HDAC9: variants seen among roughly 807,000 people sequenced by gnomAD.
The protein encoded by HDAC9 is MEF-2 interacting transcription repressor (MITR) protein.
HDAC9 carries 41 observed loss-of-function variants against 139.4 expected under a neutral mutation model. The observed-to-expected ratio is 0.29, with a 90% confidence interval of 0.23 to 0.38. HDAC9 has a LOEUF of 0.38. HDAC9 is among the 10% of genes least tolerant of loss of function. The pLI, the probability that HDAC9 is intolerant of heterozygous loss-of-function variation, is 1.00. For synonymous variants in HDAC9, 517 were observed against 476.2 expected (o/e 1.09, Z -1.12); for missense variants, 1,147 against 1,297.0 (o/e 0.88, Z 1.78).
intron 1 of HDAC9, among the ~76,000 whole-genome samples, chr7:18,342,721 A>G (rs1782108928): frequency 6.6e-6 from 1 of 151,890 alleles, no homozygotes; most frequent in Admixed American, 6.6e-5. Flanking sequence ...CAAACACCCA[A>G]TAAATTACTT....
chr7:18,422,848 A>G (rs1039584168), intron 1 of HDAC9, among the ~76,000 whole-genome samples: 5 of 151,674 alleles, frequency 3.3e-5, no homozygotes, highest in African/African-American at 1.2e-4. Context: ...CTGGTTTCCT[A>G]TCTTAAGTTT....
intron 2 of HDAC9, among the ~76,000 whole-genome samples, chr7:18,272,073 G>C (rs1428701599): frequency 6.6e-6 from 1 of 152,192 alleles, no homozygotes; most frequent in East Asian, 1.9e-4. Context: ...ATTTGGAAAT[G>C]TGAAGTTTTG....
rs377112195 is a variant in HDAC9, at chr7:18,705,183, A to T, written c.1732-22397A>T. On this transcript the variant is annotated intron_variant, in intron 12 of 25. Transcript: ENST00000686413. ...GCATCTATCAACAGGTTAGAGTAGG[A>T]TTTCTCAGCCTAAGCACTAATGACA... is the stretch of plus-strand genomic sequence containing the variant. 1.3e-4 allele frequency among the ~76,000 whole-genome samples: 20 copies of T among 152,262 alleles called. No homozygotes were observed. The South Asian group carries it at 1.7e-3, about 13-fold the overall frequency.
At chr7:18,690,303 A>G (rs1251448043) in intron 12 of HDAC9, among the ~76,000 whole-genome samples, 1 of 152,078 alleles carries the variant, frequency 6.6e-6, no homozygotes, top group Admixed American at 6.6e-5. Flanking sequence ...AAACTAAAAT[A>G]TTTGTAAATT....
intron 2 of HDAC9, among the ~76,000 whole-genome samples, chr7:18,583,758 A>G (rs898200837): frequency 8.5e-5 from 13 of 152,168 alleles, no homozygotes; most frequent in African/African-American, 2.9e-4. Context: ...CCAGCAGCCT[A>G]AAAAATCTTT....
At chr7:18,623,972 C>G (rs1235149055) in intron 6 of HDAC9, among the ~76,000 whole-genome samples, 1 of 152,074 alleles carries the variant, frequency 6.6e-6, no homozygotes, top group African/African-American at 2.4e-5. Flanking sequence ...GATGAGAGGT[C>G]TGGTCTATTT....
At chr7:18,780,096 A>G (rs556488154) in intron 16 of HDAC9, among the ~76,000 whole-genome samples, 45 of 152,128 alleles carry the variant, frequency 3.0e-4, no homozygotes, top group African/African-American at 9.9e-4. Flanking sequence ...TGCATTTCTC[A>G]TAGCACTCAG....
chr7:18,548,293 A>C (rs1359487863), intron 2 of HDAC9, among the ~76,000 whole-genome samples: 1 of 152,152 alleles, frequency 6.6e-6, no homozygotes, highest in Non-Finnish European at 1.5e-5. Context: ...ATCAAAGATC[A>C]CTGATTACAG....
chr7:18,980,951 G>A (rs1219426850), intron 25 of HDAC9, among the ~76,000 whole-genome samples: 1 of 151,932 alleles, frequency 6.6e-6, no homozygotes, highest in African/African-American at 2.4e-5. Context: ...AGCCTCTCGA[G>A]TATCTGGGAC....
chr7:18,485,172 C>T (rs1484558240), intron 1 of HDAC9, among the ~76,000 whole-genome samples: 2 of 152,142 alleles, frequency 1.3e-5, no homozygotes, highest in East Asian at 3.9e-4. Flanking sequence ...ATGACAAACA[C>T]AGGCGTAATT....
intron 12 of HDAC9, chr7:18,668,088 A>ACAT: frequency 1.0e-6 from 1 of 963,084 alleles, no homozygotes. Context: ...CGTGTTGTTT[A>ACAT]CATTTTGCTG....
At chr7:18,587,160 T>C (rs1829706055) in intron 3 of HDAC9, among the ~76,000 whole-genome samples, 1 of 152,138 alleles carries the variant, frequency 6.6e-6, no homozygotes, top group Non-Finnish European at 1.5e-5. Flanking sequence ...ATAAAGTTAA[T>C]ATAAATTGTT....
intron 1 of HDAC9, among the ~76,000 whole-genome samples, chr7:18,462,068 T>C (rs1238274563): frequency 1.3e-5 from 2 of 152,140 alleles, no homozygotes; most frequent in African/African-American, 4.8e-5. Context: ...CTATCTCCTT[T>C]AAATAGTTAT....
chr7:18,183,328 A>G (rs539100753), intron 2 of HDAC9, among the ~76,000 whole-genome samples: 3 of 152,252 alleles, frequency 2.0e-5, no homozygotes, highest in Admixed American at 2.0e-4. Flanking sequence ...TTTTTTAAAA[A>G]AAGCCCTTGA....
At chr7:18,504,659 A>C (rs1005531711) in intron 2 of HDAC9, among the ~76,000 whole-genome samples, 1 of 152,120 alleles carries the variant, frequency 6.6e-6, no homozygotes, top group Non-Finnish European at 1.5e-5. Context: ...AAAAATTTTT[A>C]TGTCATTCTT....
chr7:18,702,321 G>A (rs749704844), intron 12 of HDAC9, among the ~76,000 whole-genome samples: 5 of 152,164 alleles, frequency 3.3e-5, no homozygotes, highest in South Asian at 4.1e-4. Context: ...CTTGGGGGCC[G>A]TAAGGAGAAC....
chr7:18,169,946 A>T (rs755667309), intron 2 of HDAC9, among the ~76,000 whole-genome samples: 4 of 152,216 alleles, frequency 2.6e-5, no homozygotes, highest in Non-Finnish European at 5.9e-5. Context: ...TTATAGCAGC[A>T]TGATTTATAA....
chr7:18,621,607 A>G (rs1840225727), intron 6 of HDAC9, among the ~76,000 whole-genome samples: 1 of 152,072 alleles, frequency 6.6e-6, no homozygotes, highest in Non-Finnish European at 1.5e-5. Context: ...ATTCCCCCAA[A>G]ATTATTTTTT....
intron 2 of HDAC9, among the ~76,000 whole-genome samples, chr7:18,219,354 A>G (rs1003149935): frequency 6.6e-6 from 1 of 152,282 alleles, no homozygotes; most frequent in African/African-American, 2.4e-5. Flanking sequence ...TGAACCTGGA[A>G]GTGTTGAAAA....
Sources: gnomAD v4.1 joint callset for allele counts (sites outside exome capture counted in the v4.1 genomes callset) on GRCh38, gnomAD v4.1.1 for gene constraint, MANE v1.5 for transcripts, NCBI Gene and HGNC (gene_info 2026-07-23, HGNC 2026-07-21) for gene names.